The following DOCK3 variants were observed in gnomAD, a reference collection of about 807,000 sequenced individuals.
The protein encoded by DOCK3 is dedicator of cytokinesis 3.
A neutral mutation model predicts 265.6 loss-of-function variants in DOCK3; 60 were observed. The ratio of observed to expected loss-of-function variants is 0.23; its 90% confidence interval spans 0.18 to 0.28. DOCK3 has a LOEUF of 0.28. Ranked by LOEUF, DOCK3 falls within the 10% of genes least tolerant of loss-of-function variation. DOCK3 has a pLI of 1.00. For missense variants in DOCK3, 1,981 were observed against 2,594.3 expected, an observed-to-expected ratio of 0.76 and a Z score of 5.14; for synonymous variants, 881 against 938.0, an observed-to-expected ratio of 0.94 and a Z score of 1.11.
intron 9 of DOCK3, among the ~76,000 whole-genome samples, chr3:51,117,096 G>T (rs1206973023): frequency 6.6e-6 from 1 of 152,064 alleles, no homozygotes; most frequent in African/African-American, 2.4e-5. Flanking sequence ...ATTGGCTGTG[G>T]GTTTGTCATA....
At chr3:50,872,463 C>G (rs2047477378) in intron 3 of DOCK3, among the ~76,000 whole-genome samples, 1 of 152,204 alleles carries the variant, frequency 6.6e-6, no homozygotes, top group African/African-American at 2.4e-5. Flanking sequence ...TGGTCACCAC[C>G]ACTAGGACTG....
At chr3:51,164,162 T>A (rs2086265476) in intron 12 of DOCK3, among the ~76,000 whole-genome samples, 1 of 152,216 alleles carries the variant, frequency 6.6e-6, no homozygotes, top group Non-Finnish European at 1.5e-5. Flanking sequence ...AATTTGGTGA[T>A]CATACCCCAA....
chr3:50,955,579 G>A (rs1236728893), intron 5 of DOCK3, among the ~76,000 whole-genome samples: 3 of 151,996 alleles, frequency 2.0e-5, no homozygotes, highest in Non-Finnish European at 2.9e-5. Context: ...AAACTGATGC[G>A]GGGACAGAAA....
chr3:51,338,821 C>A (rs965462128), intron 36 of DOCK3, 114 bp from the exon 37 acceptor site: 5 of 848,342 alleles, frequency 5.9e-6, no homozygotes, highest in Non-Finnish European at 9.6e-6. Flanking sequence ...CTGTCTGCCT[C>A]CAGGGCCTGC....
At chr3:50,854,805 T>A (rs1048019569) in intron 3 of DOCK3, among the ~76,000 whole-genome samples, 1 of 151,910 alleles carries the variant, frequency 6.6e-6, no homozygotes, top group Non-Finnish European at 1.5e-5. Context: ...AGTTAACTTT[T>A]GTAAGTGATG....
At chr3:51,379,037 G>A (rs114845544) in intron 51 of DOCK3, among the ~76,000 whole-genome samples, 49 of 152,322 alleles carry the variant, frequency 3.2e-4, no homozygotes, top group African/African-American at 1.2e-3. Context: ...CACTGAGCCT[G>A]GGCAGTAGGA....
chr3:50,961,398 G>A (rs930008672), intron 5 of DOCK3, among the ~76,000 whole-genome samples: 5 of 152,166 alleles, frequency 3.3e-5, no homozygotes, highest in African/African-American at 1.2e-4. Context: ...GAAGTTCTAG[G>A]GCTGGTGGTG....
In DOCK3 at chr3:51,042,150, A is replaced by G. The variant is rs553657635; in HGVS notation, c.316-22298A>G. ...ACAAAGAAAAGAAAACTTCAGGCCA[A>G]TATCGTTAATGAATATTGATGCCAA... On this transcript the variant is annotated intron_variant, in intron 5 of 52. Coordinates refer to ENST00000266037, the MANE Select transcript of DOCK3 (RefSeq NM_004947.5). Among the ~76,000 whole-genome samples the G allele has an allele frequency of 7.3e-4, 111 of 152,348 alleles. 2 individuals carry two copies. The South Asian group carries it at 0.013, about 18-fold the overall frequency.
At chr3:51,082,948 C>T (rs2082294937) in intron 7 of DOCK3, among the ~76,000 whole-genome samples, 1 of 152,182 alleles carries the variant, frequency 6.6e-6, no homozygotes, top group South Asian at 2.1e-4. Context: ...ACCACTGCTA[C>T]TGCCATTGCC....
Position 51,089,237 on chromosome 3 carries a change from C to T in DOCK3, c.550-6C>T. 6.2e-7 allele frequency: 1 copy of T among 1,605,392 alleles called. No individual in the cohort carries two copies. The highest frequency in any genetic ancestry group is 8.5e-7 in the Non-Finnish European group (1 of 1,175,634). On this transcript the variant is annotated splice_region_variant and splice_polypyrimidine_tract_variant and intron_variant, in intron 7 of 52. Transcript: ENST00000266037. ...AGAGTTTATTTTTCTTTCCTTCTTTCCATAGCATTTATCTAGCCGGCAGAG... is the reference window on the plus strand; with the variant it reads ...AGAGTTTATTTTTCTTTCCTTCTTTTCATAGCATTTATCTAGCCGGCAGAG...
intron 9 of DOCK3, among the ~76,000 whole-genome samples, chr3:51,115,171 TGCTGG>T (rs553775773): frequency 6.6e-6 from 1 of 152,328 alleles, no homozygotes; most frequent in African/African-American, 2.4e-5. Context: ...GTAATGGGAT[TGCTGG>T]GTCAAATGGT....
chr3:50,942,063 G>A (rs1373575662), intron 5 of DOCK3, among the ~76,000 whole-genome samples: 1 of 152,180 alleles, frequency 6.6e-6, no homozygotes, highest in African/African-American at 2.4e-5. Context: ...GGTTTTGACA[G>A]TGTACTGTGG....
chr3:50,772,209 C>T (rs1030244228), intron 1 of DOCK3, among the ~76,000 whole-genome samples: 10 of 152,132 alleles, frequency 6.6e-5, no homozygotes, highest in Non-Finnish European at 1.2e-4. Flanking sequence ...ACAGACATCA[C>T]ATGTTATCAC....
intron 12 of DOCK3, among the ~76,000 whole-genome samples, chr3:51,166,261 G>A (rs2086401658): frequency 6.6e-6 from 1 of 151,878 alleles, no homozygotes; most frequent in Non-Finnish European, 1.5e-5. Flanking sequence ...ATGTTGGCCA[G>A]GCTGGTCTCG....
At chr3:51,126,652 T>C (rs548008703) in intron 9 of DOCK3, among the ~76,000 whole-genome samples, 1 of 152,312 alleles carries the variant, frequency 6.6e-6, no homozygotes, top group Admixed American at 6.5e-5. Context: ...TTGTTATTGT[T>C]AGAATTAGGA....
At chr3:50,824,329 A>C (rs996697920) in intron 2 of DOCK3, among the ~76,000 whole-genome samples, 17 of 152,332 alleles carry the variant, frequency 1.1e-4, no homozygotes, top group Admixed American at 1.1e-3. Context: ...AATTAGTAAT[A>C]GACTGTGGGC....
intron 1 of DOCK3, among the ~76,000 whole-genome samples, chr3:50,682,233 T>C (rs922692981): frequency 2.6e-5 from 4 of 152,236 alleles, no homozygotes; most frequent in African/African-American, 9.6e-5. Context: ...ATGTTCAGCC[T>C]CATCCACTGA....
chr3:51,278,885 T>C lies in DOCK3; in HGVS notation c.2823+1131T>C, dbSNP rs908327675. Among the ~76,000 whole-genome samples, 45 of 152,186 alleles carry C rather than the reference T, an allele frequency of 3.0e-4. 1 individual carries two copies. The highest frequency in any genetic ancestry group is 2.6e-3 in the Admixed American group (39 of 15,278). ...TCTGACCCTCATGACGAATTACCTA[T>C]AGCTTATTATGCCCATTTTTCAGAT... On this transcript the variant is annotated intron_variant, in intron 26 of 52. Transcript: ENST00000266037.
intron 5 of DOCK3, among the ~76,000 whole-genome samples, chr3:51,012,457 A>G (rs986207568): frequency 6.6e-6 from 1 of 152,174 alleles, no homozygotes; most frequent in African/African-American, 2.4e-5. Flanking sequence ...CAGGCACAGG[A>G]TATAATCTCC....
Sources: gnomAD v4.1 joint callset for allele counts (sites outside exome capture counted in the v4.1 genomes callset) on GRCh38, gnomAD v4.1.1 for gene constraint, MANE v1.5 for transcripts, NCBI Gene and HGNC (gene_info 2026-07-23, HGNC 2026-07-21) for gene names.